The following WWOX variants were observed in gnomAD, a reference collection of about 807,000 sequenced individuals.
The protein encoded by WWOX is WW domain containing oxidoreductase.
WWOX carries 69 observed loss-of-function variants against 46.2 expected under a neutral mutation model. That is an observed-to-expected ratio of 1.49 (90% confidence interval 1.23 to 1.82). The LOEUF is 1.82. Ranked by LOEUF, WWOX falls within the 40% of genes most tolerant of loss-of-function variation. The pLI is 0.00. For missense variants in WWOX, 919 were observed against 542.6 expected (o/e 1.69, Z -6.89); for synonymous variants, 359 against 202.6 (o/e 1.77, Z -6.56).
chr16:79,152,843 G>C (rs541775569), intron 8 of WWOX, among the ~76,000 whole-genome samples: 2 of 152,240 alleles, frequency 1.3e-5, no homozygotes, highest in South Asian at 4.1e-4. Context: ...GAGACAGCTT[G>C]TGAGCTCACT....
At chr16:78,330,297 A>G (rs566953544) in intron 5 of WWOX, among the ~76,000 whole-genome samples, 109 of 152,302 alleles carry the variant, frequency 7.2e-4, no homozygotes, top group African/African-American at 2.5e-3. Context: ...TGTTACGTAT[A>G]TTTTACCACA....
At chr16:78,698,261 C>T (rs571094601) in intron 8 of WWOX, among the ~76,000 whole-genome samples, 1 of 152,144 alleles carries the variant, frequency 6.6e-6, no homozygotes, top group Non-Finnish European at 1.5e-5. Context: ...AGATGAGGTT[C>T]TTGAGTACTT....
chr16:78,584,672 C>G (rs1314891648), intron 8 of WWOX, among the ~76,000 whole-genome samples: 1 of 152,148 alleles, frequency 6.6e-6, no homozygotes, highest in Non-Finnish European at 1.5e-5. Flanking sequence ...ACGTGAAAAG[C>G]AGGCAGGAAT....
At chr16:79,167,224 G>C (rs927281430) in intron 8 of WWOX, among the ~76,000 whole-genome samples, 2 of 152,164 alleles carry the variant, frequency 1.3e-5, no homozygotes, top group Non-Finnish European at 2.9e-5. Context: ...TAACAGGCAT[G>C]AACCACCATG....
At chr16:78,680,141 G>A (rs188219702) in intron 8 of WWOX, among the ~76,000 whole-genome samples, 20 of 152,338 alleles carry the variant, frequency 1.3e-4, no homozygotes, top group Admixed American at 9.1e-4. Context: ...TGGGCGTGGC[G>A]GCTCACGCCT....
intron 8 of WWOX, among the ~76,000 whole-genome samples, chr16:78,594,366 G>C (rs867217340): frequency 7.0e-6 from 1 of 142,014 alleles, no homozygotes; most frequent in Non-Finnish European, 1.5e-5. Flanking sequence ...TCTTGCATTT[G>C]CTGCAGCAAA....
intron 8 of WWOX, among the ~76,000 whole-genome samples, chr16:78,678,014 C>T (rs574547462): frequency 3.9e-5 from 6 of 152,314 alleles, no homozygotes; most frequent in African/African-American, 1.2e-4. Context: ...TCTGCCGTCC[C>T]TGAATCTCTA....
intron 8 of WWOX, among the ~76,000 whole-genome samples, chr16:79,160,055 C>G (rs1025947682): frequency 6.6e-6 from 1 of 152,196 alleles, no homozygotes; most frequent in African/African-American, 2.4e-5. Context: ...GCTGGGTGCT[C>G]TGTGAATCTG....
intron 8 of WWOX, among the ~76,000 whole-genome samples, chr16:78,763,491 T>G (rs1038721674): frequency 3.9e-5 from 6 of 152,206 alleles, no homozygotes; most frequent in South Asian, 2.1e-4. Context: ...AGGCACTTTT[T>G]GGGGGAGAGA....
chr16:78,801,495 C>G (rs2050888225), intron 8 of WWOX, among the ~76,000 whole-genome samples: 1 of 152,182 alleles, frequency 6.6e-6, no homozygotes, highest in African/African-American at 2.4e-5. Flanking sequence ...GGTGACAAGG[C>G]TAGACCCTAT....
At chr16:78,264,168 A>C (rs1183875474) in intron 5 of WWOX, among the ~76,000 whole-genome samples, 1 of 151,938 alleles carries the variant, frequency 6.6e-6, no homozygotes, top group African/African-American at 2.4e-5. Context: ...GCTCATCACC[A>C]CAGAGGGCCC....
chr16:78,485,091 C>A (rs1007424577), intron 8 of WWOX, among the ~76,000 whole-genome samples: 1 of 151,840 alleles, frequency 6.6e-6, no homozygotes, highest in Non-Finnish European at 1.5e-5. Context: ...GGATTCCCAG[C>A]CGGAAAGGAA....
chr16:78,360,903 C>G (rs1003346225), intron 5 of WWOX, among the ~76,000 whole-genome samples: 2 of 151,938 alleles, frequency 1.3e-5, no homozygotes, highest in African/African-American at 2.4e-5. Context: ...TTACTGCAGC[C>G]TCCACCTCCT....
intron 8 of WWOX, among the ~76,000 whole-genome samples, chr16:79,170,776 G>A (rs781134480): frequency 6.6e-6 from 1 of 151,918 alleles, no homozygotes; most frequent in African/African-American, 2.4e-5. Flanking sequence ...TTTACAAGGA[G>A]GTAATTTGCA....
intron 1 of WWOX, among the ~76,000 whole-genome samples, chr16:78,100,712 TC>T (rs2031718212): frequency 6.6e-6 from 1 of 152,198 alleles, no homozygotes; most frequent in African/African-American, 2.4e-5. Flanking sequence ...GATACGAGGG[TC>T]AGTTCAGGCA....
intron 8 of WWOX, among the ~76,000 whole-genome samples, chr16:78,493,856 C>T (rs192898963): frequency 7.2e-5 from 11 of 152,312 alleles, no homozygotes; most frequent in Non-Finnish European, 1.3e-4. Context: ...GTCTGATCAT[C>T]GTCAATTTTC....
At chr16:78,221,096 G>T (rs887002202) in intron 5 of WWOX, among the ~76,000 whole-genome samples, 1 of 152,086 alleles carries the variant, frequency 6.6e-6, no homozygotes, top group African/African-American at 2.4e-5. Flanking sequence ...GTTAAGCTCG[G>T]TTCATCTGGA....
chr16:79,124,016 C>G (rs574501993), intron 8 of WWOX, among the ~76,000 whole-genome samples: 16 of 152,130 alleles, frequency 1.1e-4, no homozygotes, highest in Non-Finnish European at 7.3e-5. Context: ...TCTGCCTTCT[C>G]GAGCCCCTGA....
chr16:78,623,477 C>G (rs370425640), intron 8 of WWOX, among the ~76,000 whole-genome samples: 2 of 151,970 alleles, frequency 1.3e-5, no homozygotes, highest in Non-Finnish European at 2.9e-5. Context: ...GTCATGAGTT[C>G]GAGACCAGCC....
Sources: gnomAD v4.1 joint callset for allele counts (sites outside exome capture counted in the v4.1 genomes callset) on GRCh38, gnomAD v4.1.1 for gene constraint, MANE v1.5 for transcripts, NCBI Gene and HGNC (gene_info 2026-07-23, HGNC 2026-07-21) for gene names.